The following SGSH variants were observed in gnomAD, a reference collection of about 807,000 sequenced individuals.
SGSH encodes the protein N-sulfoglucosamine sulfohydrolase.
SGSH carries 48 observed loss-of-function variants against 51.0 expected under a neutral mutation model. That is an observed-to-expected ratio of 0.94 (90% CI 0.75 to 1.20). The LOEUF (loss-of-function observed/expected upper bound fraction) is 1.20. Among genes scored for constraint, SGSH ranks in the 50% most tolerant of loss-of-function variants. SGSH has a pLI of 0.00. For missense variants in SGSH, 662 were observed against 717.8 expected (o/e 0.92, Z 0.89); for synonymous variants, 321 against 313.4 (o/e 1.02, Z -0.26).
At position 80,210,743 on chromosome 17, in the gene SGSH, G is replaced by A. The variant is rs770446973; in HGVS notation, c.1218C>T (p.Pro406=). 2 of 1,613,982 alleles carry A rather than the reference G, an allele frequency of 1.2e-6. No individual in the cohort carries two copies. The highest frequency in any genetic ancestry group is 1.3e-5 in the African/African-American group (1 of 74,924). The change falls in exon 8 of 8, where the codon CCC becomes CCT. Residue 406 remains proline, a synonymous_variant. Transcript: ENST00000326317. ...FPIDQDFYVS[P]TFQDLLNRTT... Reference sequence around the variant, plus strand: ...TGCGGTTCAGGAGGTCCTGGAAGGTGGGTGAGACGTAGAAGTCCTGGTCGA... The same window carrying A: ...TGCGGTTCAGGAGGTCCTGGAAGGTAGGTGAGACGTAGAAGTCCTGGTCGA...
chr17:80,207,137 C>T, downstream of SGSH: 1 of 1,342,860 alleles, frequency 7.4e-7, no homozygotes. Context: ...TCCTGGGCTC[C>T]CCCAAAGCCC....
chr17:80,217,093 G>C lies in SGSH; in HGVS notation c.188C>G (p.Ala63Gly). The change falls in exon 2 of 8, where the codon GCC (alanine) becomes GGC (glycine). Residue 63 changes from alanine to glycine, a missense_variant. Physicochemically the swap from Ala to Gly is moderately conservative, Grantham distance 60. Transcript: ENST00000326317. ...LARRSLLFRNAFTSVSSCSPS... is the reference protein window; with the variant it reads ...LARRSLLFRNGFTSVSSCSPS... The stretch of plus-strand genomic sequence containing the variant: ...AGAGCAGCTGCTGACCGAGGTGAAG[G>C]CATTGCGAAAGAGGAGGCTGCGGCG... 1 of 1,603,894 alleles carries C rather than the reference G, an allele frequency of 6.2e-7. No individual in the cohort carries two copies. The highest frequency in any genetic ancestry group is 1.7e-4 in the Middle Eastern group (1 of 6,020).
chr17:80,215,854 T>G (rs1324297792), intron 2 of SGSH, among the ~76,000 whole-genome samples: 1 of 152,112 alleles, frequency 6.6e-6, no homozygotes, highest in Non-Finnish European at 1.5e-5. Flanking sequence ...ATAGCAGCTT[T>G]ATTCACAACA....
At chr17:80,203,556 C>T, downstream of SGSH, 2 of 435,702 alleles carry the variant, frequency 4.6e-6, 1 homozygote, top group Non-Finnish European at 8.1e-6. This position sits in a 1 kb window ranked among gnomAD's most constrained non-coding sequence, Gnocchi z 4.6. Flanking sequence ...GGCTGCTCAA[C>T]AGCACCCCCT....
At position 80,217,042 on chromosome 17, in the gene SGSH, C is replaced by A; in HGVS notation, c.239G>T (p.Gly80Val). ...CSPSRASLLT[G>V]LPQHQNGMYG... ...CCCCTTGCACCTCACCTGGGGCAGG[C>A]CAGTGAGGAGGCTGGCGCGGCTGGG... The change falls in exon 2 of 8, where the codon GGC becomes GTC. Residue 80 changes from glycine to valine, a missense_variant. Physicochemically the swap from Gly to Val is moderately radical, Grantham distance 109. Transcript: ENST00000326317. 2 of 1,576,244 alleles carry A rather than the reference C, an allele frequency of 1.3e-6. No homozygotes were observed. Among genetic ancestry groups the A allele is most frequent in the Non-Finnish European group, 8.6e-7 (1 of 1,163,922 alleles).
At chr17:80,202,251 A>G, downstream of SGSH, 1 of 1,614,030 alleles carries the variant, frequency 6.2e-7, no homozygotes, top group Non-Finnish European at 8.5e-7. Flanking sequence ...CATCCGGGTC[A>G]ACCTGGCCAT....
chr17:80,203,649 C>T, downstream of SGSH: 1 of 546,002 alleles, frequency 1.8e-6, no homozygotes, highest in South Asian at 2.6e-5. The surrounding 1 kb of genome is among the most constrained non-coding windows in gnomAD (Gnocchi z 4.6). Flanking sequence ...TGGAGACTGG[C>T]ATGGCCGCCA....
chr17:80,202,060 G>A (rs981280509), downstream of SGSH: 30 of 1,208,702 alleles, frequency 2.5e-5, no homozygotes, highest in Middle Eastern at 1.4e-3. Context: ...TGACTCCAGT[G>A]CCAGAGCAGC....
At position 80,213,864 on chromosome 17, in the gene SGSH, T is replaced by C. The variant is rs923212033; in HGVS notation, c.685A>G (p.Thr229Ala). 6.2e-7 allele frequency: 1 copy of C among 1,605,182 alleles called. No individual in the cohort carries two copies. Among genetic ancestry groups the C allele is most frequent in the South Asian group, 1.1e-5 (1 of 89,998 alleles). ...DVLVPYFVPN[T>A]PAARADLAAQ... ...GCCAGGTCGGCTCGGGCTGCCGGGG[T>C]GTTGGGGACGAAGTAAGGCACCTGG... The change falls in exon 6 of 8, where the codon ACC becomes GCC. Residue 229 changes from threonine (T) to alanine (A), a missense_variant. Thr to Ala is a moderately conservative substitution (Grantham distance 58). Transcript: ENST00000326317. This position sits in a 1 kb window ranked among gnomAD's most constrained non-coding sequence, Gnocchi z 4.6.
Position 80,212,162 on chromosome 17 carries a change from G to C in SGSH, c.858C>G (p.Tyr286Ter). The stretch of plus-strand genomic sequence containing the variant: ...GTAAGGGTTCAGCAGTGCCCGGCCA[G>C]TACAGGTTGGTCCTGCCGCTGGGGA... Reference protein sequence around the residue: ...IPFPSGRTNLYWPGTAEPLLV... With the variant: ...IPFPSGRTNL Residue 286 changes from tyrosine to a stop codon, truncating the protein, a stop_gained, in exon 7 of 8, where the codon TAC becomes TAG. Transcript: ENST00000326317. LOFTEE classifies it high-confidence loss of function. This position sits in a 1 kb window ranked among gnomAD's most constrained non-coding sequence, Gnocchi z 5.9. 6.2e-7 allele frequency: 1 copy of C among 1,613,560 alleles called. No homozygotes were observed. Among genetic ancestry groups the C allele is most frequent in the Non-Finnish European group, 8.5e-7 (1 of 1,180,034 alleles).
chr17:80,212,349 C>A lies in SGSH; in HGVS notation c.746-75G>T. On this transcript the variant is annotated intron_variant, in intron 6 of 7. Transcript: ENST00000326317. This position sits in a 1 kb window ranked among gnomAD's most constrained non-coding sequence, Gnocchi z 5.9. ...GCAGCGGGTGGTGTGTGTAGACCCACCTGCTGCTGCATCCGGCCGCTGGGC... is the reference window on the plus strand; with the variant it reads ...GCAGCGGGTGGTGTGTGTAGACCCAACTGCTGCTGCATCCGGCCGCTGGGC... 2 of 1,293,972 alleles carry A rather than the reference C, an allele frequency of 1.5e-6. No individual in the cohort carries two copies. Among genetic ancestry groups the A allele is most frequent in the Admixed American group, 2.0e-5 (1 of 50,834 alleles). The allele number at this position is 1,293,972 out of a possible 1,614,324, so 80.2% of individuals were successfully genotyped here. A position where few individuals can be genotyped will look rare whatever the true frequency, so the allele number is the denominator to read the frequency against.
In SGSH at chr17:80,214,238, G is replaced by T; in HGVS notation, c.597C>A (p.Asn199Lys). ...GGATACGACCCATGCCGCTCTCTCC[G>T]TTGCCAAACTTCTCACAGAAGGTTC... ...QYGTFCEKFGNGESGMGRIPD... is the reference protein window; with the variant it reads ...QYGTFCEKFGKGESGMGRIPD... Residue 199 changes from asparagine (N) to lysine (K), a missense_variant, in exon 5 of 8, where the codon AAC (asparagine) becomes AAA (lysine). Transcript: ENST00000326317. 2.5e-6 allele frequency: 4 copies of T among 1,613,136 alleles called. No homozygotes were observed. Among genetic ancestry groups the T allele is most frequent in the Non-Finnish European group, 3.4e-6 (4 of 1,179,998 alleles).
intron 3 of SGSH, 54 bp downstream of exon 3, chr17:80,214,979 T>C: frequency 3.3e-6 from 5 of 1,501,774 alleles, no homozygotes; most frequent in Non-Finnish European, 3.7e-6. Flanking sequence ...TCCTGGGCTC[T>C]GGCCTGGCCT....
At chr17:80,218,099 G>A (rs1351192980) in intron 1 of SGSH, among the ~76,000 whole-genome samples, 1 of 152,256 alleles carries the variant, frequency 6.6e-6, no homozygotes, top group East Asian at 1.9e-4. Context: ...GTGTTAGCCG[G>A]CTAGGCATTT....
At chr17:80,208,126 T>G, downstream of SGSH, 2 of 1,470,802 alleles carry the variant, frequency 1.4e-6, no homozygotes, top group East Asian at 2.6e-5. Context: ...CCCCCAACTC[T>G]GGCCTGTGCA....
chr17:80,208,044 G>C (rs936287222), downstream of SGSH: 5 of 928,286 alleles, frequency 5.4e-6, no homozygotes, highest in Non-Finnish European at 7.8e-6. Context: ...CCTGTGTTTA[G>C]GGGTGTTTGG....
rs528044353 is a variant in SGSH at position 80,213,928 on chromosome 17, G to C, written c.664-43C>G. 31 of 1,554,674 alleles carry C rather than the reference G, an allele frequency of 2.0e-5. No individual in the cohort carries two copies. The highest frequency in any genetic ancestry group is 2.5e-5 in the Non-Finnish European group (29 of 1,145,628). On this transcript the variant is annotated intron_variant, in intron 5 of 7. Transcript: ENST00000326317. This position sits in a 1 kb window ranked among gnomAD's most constrained non-coding sequence, Gnocchi z 4.6. ...GAGCCAGGCTTAGAACAGACAGACC[G>C]GGGGAGCGGTGTCCAGCCTTCTCCC... is the stretch of plus-strand genomic sequence containing the variant.
intron 7 of SGSH, chr17:80,211,772 TCCC>T: frequency 2.1e-6 from 1 of 476,612 alleles, no homozygotes; most frequent in South Asian, 2.1e-5. Flanking sequence ...TTAACAAGCA[TCCC>T]AGGTGATTCT....
chr17:80,206,202 C>T (rs761821633), downstream of SGSH, among the ~76,000 whole-genome samples: 2 of 152,198 alleles, frequency 1.3e-5, no homozygotes, highest in Admixed American at 1.3e-4. Flanking sequence ...CTGGGGCTCA[C>T]GCCTGTCATC....
Sources: gnomAD v4.1 joint callset for allele counts (sites outside exome capture counted in the v4.1 genomes callset) on GRCh38, gnomAD v4.1.1 for gene constraint, Gnocchi (gnomAD v3.1) non-coding constraint, MANE v1.5 for transcripts, NCBI Gene and HGNC (gene_info 2026-07-23, HGNC 2026-07-21) for gene names.